The following TECPR2 variants were observed in gnomAD, a reference collection of about 807,000 sequenced individuals.
TECPR2 encodes tectonin beta-propeller repeat-containing protein 2.
Under a neutral mutation model 138.1 loss-of-function variants are expected in TECPR2, and 65 were observed. The ratio of observed to expected loss-of-function variants is 0.47; its 90% CI spans 0.39 to 0.58. TECPR2 has a LOEUF of 0.58. Among genes scored for constraint, TECPR2 ranks in the 20% least tolerant of loss-of-function variants. The pLI, the probability that TECPR2 is intolerant of heterozygous loss-of-function variation, is 0.00. For missense variants in TECPR2, 1,553 were observed against 1,824.5 expected, an observed-to-expected ratio of 0.85 and a Z score of 2.71; for synonymous variants, 746 against 749.8, an observed-to-expected ratio of 0.99 and a Z score of 0.08.
intron 17 of TECPR2, among the ~76,000 whole-genome samples, chr14:102,469,110 T>A (rs2139775379): frequency 6.6e-6 from 1 of 152,244 alleles, no homozygotes; most frequent in East Asian, 1.9e-4. Flanking sequence ...AATTTTGGGA[T>A]AAGTATGTCA....
rs191066429 is a variant in TECPR2 at position 102,494,964 on chromosome 14, G to A, written c.3790-2015G>A. 2.6e-5 allele frequency among the ~76,000 whole-genome samples: 4 copies of A among 152,300 alleles called. No homozygotes were observed. The East Asian group carries it at 7.7e-4, about 29-fold the overall frequency. ...ACGGTGGCTCACGCCTGTAATCTCA[G>A]CACTTTGGGAGGCCAAGGGGAATGG... On this transcript the variant is annotated intron_variant, in intron 17 of 19. Transcript: ENST00000359520.
chr14:102,436,806 G>T (rs1889681808), intron 9 of TECPR2, among the ~76,000 whole-genome samples: 1 of 152,218 alleles, frequency 6.6e-6, no homozygotes, highest in African/African-American at 2.4e-5. Context: ...CATCCTCGCA[G>T]TTGAGTGGGA....
At chr14:102,438,466 A>C in intron 10 of TECPR2, 1 of 423,296 alleles carries the variant, frequency 2.4e-6, no homozygotes, top group Non-Finnish European at 4.2e-6. Context: ...TTGCAATGGT[A>C]AGCTCTGATC....
rs1359154955 is a variant in TECPR2 at position 102,501,284 on chromosome 14, G to A, written c.*3027G>A. 6.6e-6 allele frequency: 1 copy of A among 152,228 alleles called. No individual in the cohort carries two copies. The highest frequency in any genetic ancestry group is 1.5e-5 in the Non-Finnish European group (1 of 68,036). 9.4% of individuals were successfully genotyped at this position (152,228 alleles called of 1,614,324 possible). On this transcript the variant is annotated 3_prime_UTR_variant, in exon 20 of 20. Transcript: ENST00000359520. ...GGATTAAAGAATCTAAAACCAGTGGGAAAACTGTCTGATTTCTGGATGGCA... is the reference window on the plus strand; with the variant it reads ...GGATTAAAGAATCTAAAACCAGTGGAAAAACTGTCTGATTTCTGGATGGCA...
At position 102,493,602 on chromosome 14, in the gene TECPR2, C is replaced by G. The variant is rs149635477; in HGVS notation, c.3790-3377C>G. Among the ~76,000 whole-genome samples the G allele has an allele frequency of 7.4e-4, 112 of 152,334 alleles. 1 individual carries two copies. Among genetic ancestry groups the G allele is most frequent in the African/African-American group, 2.6e-3 (108 of 41,576 alleles). On this transcript the variant is annotated intron_variant, in intron 17 of 19. Coordinates refer to ENST00000359520, the MANE Select transcript of TECPR2 (RefSeq NM_014844.5). ...GAGGGAAGGTGGTGAATAGAAATCC[C>G]AAACATCTGATCCCAGCACAGCTAG...
chr14:102,496,363 T>C (rs1231864663), intron 17 of TECPR2, among the ~76,000 whole-genome samples: 2 of 152,196 alleles, frequency 1.3e-5, no homozygotes, highest in Non-Finnish European at 2.9e-5. Flanking sequence ...GAGTTGCCGG[T>C]GGACAGCAAA....
intron 17 of TECPR2, among the ~76,000 whole-genome samples, chr14:102,466,944 T>C (rs543497137): frequency 3.3e-5 from 5 of 152,360 alleles, no homozygotes; most frequent in Middle Eastern, 3.4e-3. Flanking sequence ...ATCTGACATC[T>C]TTCACTTTGT....
In TECPR2 at chr14:102,500,252, C is replaced by T. The variant is rs1891407939; in HGVS notation, c.*1995C>T. 1 of 152,520 alleles carries T rather than the reference C, an allele frequency of 6.6e-6. No individual in the cohort carries two copies. Among genetic ancestry groups the T allele is most frequent in the Non-Finnish European group, 1.5e-5 (1 of 68,096 alleles). 9.4% of individuals were successfully genotyped at this position (152,520 alleles called of 1,614,324 possible). ...TCACGAGGGCAGTGCAAGGGAGAAC[C>T]TGCCAGCCCAGCCCCACCACAGGGA... On this transcript the variant is annotated 3_prime_UTR_variant, in exon 20 of 20. Transcript: ENST00000359520.
At chr14:102,479,098 AAAG>A (rs1356977954) in intron 17 of TECPR2, among the ~76,000 whole-genome samples, 8 of 152,282 alleles carry the variant, frequency 5.3e-5, no homozygotes, top group Middle Eastern at 6.8e-3. Flanking sequence ...TAAATGACTA[AAAG>A]AAGAGCGAGG....
intron 16 of TECPR2, among the ~76,000 whole-genome samples, chr14:102,453,866 G>A (rs1481545169): frequency 6.6e-6 from 1 of 151,378 alleles, no homozygotes; most frequent in African/African-American, 2.4e-5. Context: ...AGCAAGAAGA[G>A]GGCTGGGCAC....
intron 1 of TECPR2, among the ~76,000 whole-genome samples, chr14:102,373,491 T>C (rs1351204115): frequency 6.6e-6 from 1 of 152,208 alleles, no homozygotes; most frequent in African/African-American, 2.4e-5. Flanking sequence ...CTAAGCACAT[T>C]TAAGTTAGGC....
At chr14:102,465,480 C>A (rs1241625415) in intron 17 of TECPR2, 191 bp downstream of exon 17, 2 of 1,380,850 alleles carry the variant, frequency 1.4e-6, no homozygotes, top group Non-Finnish European at 1.9e-6. Context: ...AAGTTTAGAG[C>A]TGAACAGACT....
At chr14:102,446,092 G>A in intron 13 of TECPR2, 145 bp downstream of exon 13, 1 of 1,129,472 alleles carries the variant, frequency 8.9e-7, no homozygotes. Flanking sequence ...TTTGAAACAA[G>A]ATCTCCTTCC....
chr14:102,498,342 G>A lies in TECPR2; in HGVS notation c.*85G>A. 1 of 1,462,770 alleles carries A rather than the reference G, an allele frequency of 6.8e-7. No homozygotes were observed. The highest frequency in any genetic ancestry group is 9.1e-7 in the Non-Finnish European group (1 of 1,100,534). The allele number at this position is 1,462,770 out of a possible 1,614,324, so 90.6% of individuals were successfully genotyped here. ...AGAGTGACTCCCTGGTGGACGCGCT[G>A]CCTCAACACTTGTCCAGACACCTCT... On this transcript the variant is annotated 3_prime_UTR_variant, in exon 20 of 20. Coordinates refer to ENST00000359520, the MANE Select transcript of TECPR2 (RefSeq NM_014844.5).
rs1040001348 is a variant in TECPR2, at chr14:102,501,661, A to G, written c.*3404A>G. 7 of 152,348 alleles carry G rather than the reference A, an allele frequency of 4.6e-5. No homozygotes were observed. The highest frequency in any genetic ancestry group is 3.4e-3 in the Middle Eastern group (1 of 294). 9.4% of individuals were successfully genotyped at this position (152,348 alleles called of 1,614,324 possible). ...TTGAATATTTACCTTAAAAACCTAT[A>G]CAACAATAAGAGGAGTGCGCCCTTC... On this transcript the variant is annotated 3_prime_UTR_variant, in exon 20 of 20. Coordinates refer to ENST00000359520, the MANE Select transcript of TECPR2 (RefSeq NM_014844.5).
At chr14:102,369,802 C>T (rs1323401795) in intron 1 of TECPR2, among the ~76,000 whole-genome samples, 3 of 149,376 alleles carry the variant, frequency 2.0e-5, no homozygotes, top group African/African-American at 7.3e-5. Context: ...AACAAAAAAA[C>T]AAAAAATTAG....
intron 4 of TECPR2, among the ~76,000 whole-genome samples, chr14:102,409,092 AG>A (rs1417883678): frequency 1.3e-5 from 2 of 152,194 alleles, no homozygotes; most frequent in African/African-American, 2.4e-5. Flanking sequence ...GAACTAGTCC[AG>A]GGGTGCAGGC....
intron 2 of TECPR2, among the ~76,000 whole-genome samples, chr14:102,385,805 G>A (rs533460794): frequency 6.6e-6 from 1 of 152,046 alleles, no homozygotes; most frequent in African/African-American, 2.4e-5. Context: ...GCGTGATGGC[G>A]TGTACCTGTA....
At chr14:102,394,805 A>G (rs1395608148) in intron 2 of TECPR2, among the ~76,000 whole-genome samples, 1 of 152,102 alleles carries the variant, frequency 6.6e-6, no homozygotes, top group East Asian at 1.9e-4. Context: ...CCTTCTCACA[A>G]GGTCTCGACG....
Sources: gnomAD v4.1 joint callset for allele counts (sites outside exome capture counted in the v4.1 genomes callset) on GRCh38, gnomAD v4.1.1 for gene constraint, MANE v1.5 for transcripts, NCBI Gene and HGNC (gene_info 2026-07-23, HGNC 2026-07-21) for gene names.